Variants in NUBP2 observed in about 807,000 individuals in gnomAD.
The protein encoded by NUBP2 is NUBP iron-sulfur cluster assembly factor 2, cytosolic.
A neutral mutation model predicts 24.9 loss-of-function variants in NUBP2; 23 were observed. That is an observed-to-expected ratio of 0.92 (90% CI 0.66 to 1.31). The LOEUF (loss-of-function observed/expected upper bound fraction) is 1.31, where lower values mean the gene tolerates loss of function less well. NUBP2 is among the 50% of genes most tolerant of loss of function. The probability of loss-of-function intolerance (pLI) is 0.00; values close to 1 mark genes in which losing one functional copy is unlikely to be tolerated. For synonymous variants in NUBP2, 186 were observed against 170.9 expected, an observed-to-expected ratio of 1.09 and a Z score of -0.69; for missense variants, 403 against 386.5, an observed-to-expected ratio of 1.04 and a Z score of -0.36.
chr16:1,786,080 G>T (rs556128298), intron 1 of NUBP2: 20 of 974,908 alleles, frequency 2.1e-5, no homozygotes, highest in Non-Finnish European at 2.7e-5. Flanking sequence ...GTGACAACGC[G>T]TGGTTGTTGC....
intron 3 of NUBP2, chr16:1,787,171 G>C: frequency 2.0e-6 from 1 of 504,950 alleles, no homozygotes; most frequent in East Asian, 3.1e-5. Context: ...GAGGGAGTGG[G>C]GTCTGCTGAG....
Position 1,788,835 on chromosome 16 carries a change from C to T in NUBP2, c.*121C>T, listed in dbSNP as rs1065656. The T allele has an allele frequency of 7.0e-6, 9 of 1,288,624 alleles. No individual in the cohort carries two copies. Among genetic ancestry groups the T allele is most frequent in the East Asian group, 2.6e-5 (1 of 38,366 alleles). The allele number at this position is 1,288,624 out of a possible 1,614,324, so 79.8% of individuals were successfully genotyped here. On this transcript the variant is annotated 3_prime_UTR_variant, in exon 7 of 7. Transcript: ENST00000262302. The stretch of plus-strand genomic sequence containing the variant: ...AGGGGCAGGCCCAGGCAGCGTCAGC[C>T]GGAGAGCTTCTCCCCGACCAGCCCA...
Position 1,786,523 on chromosome 16 carries a change from G to A in NUBP2, c.17-14G>A, listed in dbSNP as rs749533445. The A allele has an allele frequency of 3.0e-5, 47 of 1,581,072 alleles. No individual in the cohort carries two copies. The South Asian group carries it at 3.3e-4, about 11-fold the overall frequency. ...ACCAGGAGCCCTGACCTTCTCTGTCGTGTTTCCGCCCAGAGCCTGGAAACC... is the reference window on the plus strand; with the variant it reads ...ACCAGGAGCCCTGACCTTCTCTGTCATGTTTCCGCCCAGAGCCTGGAAACC... On this transcript the variant is annotated splice_polypyrimidine_tract_variant and intron_variant, in intron 1 of 6. Transcript: ENST00000262302.
chr16:1,787,839 T>G lies in NUBP2; in HGVS notation c.489+8T>G. Reference sequence around the variant, plus strand: ...GTGGTCACCACGCCCCAGGTAGCGCTGCGGCACCTTCCCGAGTCCCTGTGG... The same window carrying G: ...GTGGTCACCACGCCCCAGGTAGCGCGGCGGCACCTTCCCGAGTCCCTGTGG... On this transcript the variant is annotated splice_region_variant and intron_variant, in intron 4 of 6. Transcript: ENST00000262302. 6.2e-7 allele frequency: 1 copy of G among 1,607,846 alleles called. No homozygotes were observed.
chr16:1,788,149 C>T lies in NUBP2; in HGVS notation c.612C>T (p.Ser204=), dbSNP rs149804454. 1.2e-4 allele frequency: 179 copies of T among 1,548,224 alleles called. No homozygotes were observed. In the African/African-American group the frequency reaches 1.6e-3, roughly 14 times the overall value. ...FTCPHCTECT[S]VFSRGGGEEL... ...CCACCGTCTCCTAGGAGTGCACCAG[C>T]GTCTTCTCCAGGGGCGGCGGAGAGG... The change falls in exon 6 of 7, where the codon AGC becomes AGT. Residue 204 remains serine (S), a synonymous_variant. Transcript: ENST00000262302.
At position 1,788,962 on chromosome 16, in the gene NUBP2, C is replaced by A; in HGVS notation, c.*248C>A. The A allele has an allele frequency of 2.0e-6, 1 of 502,686 alleles. No homozygotes were observed. Among genetic ancestry groups the A allele is most frequent in the Non-Finnish European group, 3.5e-6 (1 of 286,648 alleles). 31.1% of individuals were successfully genotyped at this position (502,686 alleles called of 1,614,324 possible). A position where few individuals can be genotyped will look rare whatever the true frequency, so the allele number is the denominator to read the frequency against. Reference sequence around the variant, plus strand: ...GACGGGGGCGGCCTGGGCTCTCTTCCCATCCATGTTGCCTACCTGTGCCCC... The same window carrying A: ...GACGGGGGCGGCCTGGGCTCTCTTCACATCCATGTTGCCTACCTGTGCCCC... On this transcript the variant is annotated 3_prime_UTR_variant, in exon 7 of 7. Coordinates refer to ENST00000262302, the MANE Select transcript of NUBP2 (RefSeq NM_012225.4).
At position 1,788,810 on chromosome 16, in the gene NUBP2, A is replaced by T; in HGVS notation, c.*96A>T. ...CCTGGGCTCGGTTCCCGGGCCCTGC[A>T]GGGGCAGGCCCAGGCAGCGTCAGCC... On this transcript the variant is annotated 3_prime_UTR_variant, in exon 7 of 7. Coordinates refer to ENST00000262302, the MANE Select transcript of NUBP2 (RefSeq NM_012225.4). 7.0e-7 allele frequency: 1 copy of T among 1,425,030 alleles called. No homozygotes were observed. The highest frequency in any genetic ancestry group is 9.3e-7 in the Non-Finnish European group (1 of 1,075,820). 88.3% of individuals were successfully genotyped at this position (1,425,030 alleles called of 1,614,324 possible). A position where few individuals can be genotyped will look rare whatever the true frequency, so the allele number is the denominator to read the frequency against.
At chr16:1,787,429 G>C (rs115318457) in intron 3 of NUBP2, 1 of 573,510 alleles carries the variant, frequency 1.7e-6, no homozygotes, top group Non-Finnish European at 3.1e-6. Context: ...TTGGGGCCTC[G>C]GGGAGTCAGC....
At chr16:1,788,332 TCTC>T in intron 6 of NUBP2, 125 bp downstream of exon 6, 3 of 1,124,592 alleles carry the variant, frequency 2.7e-6, no homozygotes, top group South Asian at 3.5e-5. Context: ...CCTCCTCTCT[TCTC>T]GGGCCACACG....
intron 1 of NUBP2, chr16:1,783,424 A>T: frequency 9.8e-7 from 1 of 1,020,440 alleles, no homozygotes; most frequent in Non-Finnish European, 1.2e-6. Flanking sequence ...ACACGCGCGC[A>T]GTCATGAAAG....
In NUBP2 at chr16:1,787,926, G is replaced by T; in HGVS notation, c.490-15G>T. The T allele has an allele frequency of 6.2e-7, 1 of 1,603,028 alleles. No individual in the cohort carries two copies. The highest frequency in any genetic ancestry group is 1.7e-5 in the Admixed American group (1 of 58,762). On this transcript the variant is annotated splice_polypyrimidine_tract_variant and intron_variant, in intron 4 of 6. Transcript: ENST00000262302. ...GTGCGCCTGGCTGACCGTGGCCTCG[G>T]CTCCTGCCCCGCAGGCGGTGTCCGT...
rs2142007118 is a variant in NUBP2, at chr16:1,788,706, C to T, written c.808C>T (p.Leu270Phe). The change falls in exon 7 of 7, where the codon CTC becomes TTC. Residue 270 changes from leucine (L) to phenylalanine (F), a missense_variant. Coordinates refer to ENST00000262302, the MANE Select transcript of NUBP2 (RefSeq NM_012225.4). Reference protein sequence around the residue: ...QKILDATPACLP With the variant: ...QKILDATPACFP ...GATTCTGGACGCGACGCCCGCGTGC[C>T]TCCCCTGACTAAGGCCACCTTGCAG... is the stretch of plus-strand genomic sequence containing the variant. The T allele has an allele frequency of 1.2e-6, 2 of 1,609,928 alleles. No homozygotes were observed. Among genetic ancestry groups the T allele is most frequent in the Non-Finnish European group, 1.7e-6 (2 of 1,178,190 alleles).
At position 1,789,021 on chromosome 16, in the gene NUBP2, C is replaced by CA; in HGVS notation, c.*307_*308insA. 1 of 390,298 alleles carries CA rather than the reference C, an allele frequency of 2.6e-6. No homozygotes were observed. The highest frequency in any genetic ancestry group is 4.6e-6 in the Non-Finnish European group (1 of 215,722). The allele number at this position is 390,298 out of a possible 1,614,324, so 24.2% of individuals were successfully genotyped here. ...GCGTGTCCACACAGTTAGCGGAGCGCGGGACTTCTGCAGTCCTCAGGTGAC... is the reference window on the plus strand; with the variant it reads ...GCGTGTCCACACAGTTAGCGGAGCGCAGGGACTTCTGCAGTCCTCAGGTGAC... On this transcript the variant is annotated 3_prime_UTR_variant, in exon 7 of 7. Coordinates refer to ENST00000262302, the MANE Select transcript of NUBP2 (RefSeq NM_012225.4).
In NUBP2 at chr16:1,788,854, C is replaced by G. The variant is rs1003281867; in HGVS notation, c.*140C>G. 1.2e-5 allele frequency: 13 copies of G among 1,097,738 alleles called. No homozygotes were observed. The African/African-American group carries it at 2.1e-4, about 17-fold the overall frequency. The allele number at this position is 1,097,738 out of a possible 1,614,324, so 68.0% of individuals were successfully genotyped here. On this transcript the variant is annotated 3_prime_UTR_variant, in exon 7 of 7. Coordinates refer to ENST00000262302, the MANE Select transcript of NUBP2 (RefSeq NM_012225.4). ...GTCAGCCGGAGAGCTTCTCCCCGAC[C>G]AGCCCAGCCCCAGGATGTGTCGCAC... is the stretch of plus-strand genomic sequence containing the variant.
chr16:1,788,618 C>T lies in NUBP2; in HGVS notation c.720C>T (p.His240=), dbSNP rs548071502. The T allele has an allele frequency of 3.1e-6, 5 of 1,610,584 alleles. No individual in the cohort carries two copies. The highest frequency in any genetic ancestry group is 1.1e-5 in the South Asian group (1 of 90,778). ...PALMRTLEEG[H]DFIQEFPGSP... ...TCATGAGGACCCTGGAGGAGGGCCA[C>T]GACTTCATCCAGGAGTTCCCTGGGA... Residue 240 remains histidine (H), a synonymous_variant, in exon 7 of 7, where the codon CAC becomes CAT. Coordinates refer to ENST00000262302, the MANE Select transcript of NUBP2 (RefSeq NM_012225.4).
chr16:1,786,354 G>A (rs1411202434), intron 1 of NUBP2, 183 bp from the exon 2 acceptor site: 8 of 632,994 alleles, frequency 1.3e-5, no homozygotes, highest in Non-Finnish European at 2.2e-5. Flanking sequence ...CGGGTCTGGG[G>A]CTGCAGGGGA....
At chr16:1,786,436 C>T in intron 1 of NUBP2, 101 bp from the exon 2 acceptor site, 1 of 1,037,844 alleles carries the variant, frequency 9.6e-7, no homozygotes, top group Non-Finnish European at 1.4e-6. Flanking sequence ...TTCACCACTG[C>T]CCCGCTCAGA....
chr16:1,787,632 C>T, intron 3 of NUBP2, 45 bp from the exon 4 acceptor site: 1 of 1,598,500 alleles, frequency 6.3e-7, no homozygotes, highest in Non-Finnish European at 8.5e-7. Flanking sequence ...GCCACGTGTG[C>T]AGACCTGCCC....
chr16:1,785,044 C>T (rs1896897142), intron 1 of NUBP2: 1 of 969,730 alleles, frequency 1.0e-6, no homozygotes, highest in African/African-American at 1.8e-5. Context: ...AGAATGAGAC[C>T]CCCTCTCAAA....
Sources: allele counts gnomAD v4.1 joint callset, GRCh38; gene constraint gnomAD v4.1.1; transcripts MANE v1.5; gene names NCBI Gene and HGNC (gene_info 2026-07-23, HGNC 2026-07-21).